The following KIAA0825 variants were observed in gnomAD, a reference collection of about 807,000 sequenced individuals.
The protein encoded by KIAA0825 is KIAA0825, also known as uncharacterized protein KIAA0825.
A neutral mutation model predicts 147.6 loss-of-function variants in KIAA0825; 119 were observed. The ratio of observed to expected loss-of-function variants is 0.81; its 90% CI spans 0.69 to 0.94. The LOEUF (loss-of-function observed/expected upper bound fraction) is 0.94, where lower values mean the gene tolerates loss of function less well. Ranked by LOEUF, KIAA0825 falls within the 40% of genes least tolerant of loss-of-function variation. KIAA0825 has a pLI of 0.00. For synonymous variants in KIAA0825, 470 were observed against 518.1 expected (o/e 0.91, Z 1.26); for missense variants, 1,381 against 1,472.7 (o/e 0.94, Z 1.02).
intron 2 of KIAA0825, among the ~76,000 whole-genome samples, chr5:94,579,633 A>G (rs1022857648): frequency 2.0e-5 from 3 of 152,336 alleles, no homozygotes; most frequent in Non-Finnish European, 4.4e-5. Flanking sequence ...GAATTTGCAT[A>G]AAGCTGGCTT....
chr5:94,403,856 A>G, intron 15 of KIAA0825, 63 bp from the exon 16 acceptor site: 2 of 1,352,134 alleles, frequency 1.5e-6, no homozygotes, highest in Middle Eastern at 1.9e-4. Flanking sequence ...GCCTTGCTCA[A>G]CTAGAATTCA....
chr5:94,400,052 C>T (rs975346147), intron 16 of KIAA0825, among the ~76,000 whole-genome samples: 1 of 152,040 alleles, frequency 6.6e-6, no homozygotes, highest in Non-Finnish European at 1.5e-5. Context: ...AAAGCCACTA[C>T]ACAAACACAT....
chr5:94,218,921 C>G (rs1486135305), intron 20 of KIAA0825, among the ~76,000 whole-genome samples: 1 of 152,128 alleles, frequency 6.6e-6, no homozygotes, highest in African/African-American at 2.4e-5. Context: ...CCTTATTCAG[C>G]TTTGGGGTCT....
intron 20 of KIAA0825, among the ~76,000 whole-genome samples, chr5:94,206,049 T>C (rs1479912204): frequency 6.6e-6 from 1 of 152,194 alleles, no homozygotes; most frequent in African/African-American, 2.4e-5. Flanking sequence ...TTTTTCTCTC[T>C]GCCGCATCTA....
intron 1 of KIAA0825, chr5:94,593,659 G>A: frequency 2.4e-6 from 1 of 423,632 alleles, no homozygotes; most frequent in Non-Finnish European, 4.5e-6. Flanking sequence ...GGAAGATATA[G>A]AAAGCAGAAA....
At chr5:94,245,432 G>C (rs1775555213) in intron 20 of KIAA0825, among the ~76,000 whole-genome samples, 1 of 152,168 alleles carries the variant, frequency 6.6e-6, no homozygotes, top group Non-Finnish European at 1.5e-5. Context: ...GAATTTCTGA[G>C]TAGAGAAATC....
intron 5 of KIAA0825, among the ~76,000 whole-genome samples, chr5:94,488,385 T>C (rs1763317007): frequency 6.6e-6 from 1 of 152,184 alleles, no homozygotes; most frequent in Non-Finnish European, 1.5e-5. Context: ...ATAATAACTA[T>C]TATTTGGCTA....
chr5:94,577,563 A>G (rs1211288914), intron 2 of KIAA0825, among the ~76,000 whole-genome samples: 4 of 152,252 alleles, frequency 2.6e-5, no homozygotes, highest in Non-Finnish European at 5.9e-5. Flanking sequence ...AAAGTTTCCC[A>G]GGGCATCCTT....
chr5:94,520,308 C>G lies in KIAA0825; in HGVS notation c.910G>C (p.Val304Leu). The G allele has an allele frequency of 6.2e-7, 1 of 1,613,472 alleles. No individual in the cohort carries two copies. The highest frequency in any genetic ancestry group is 8.5e-7 in the Non-Finnish European group (1 of 1,179,514). The change falls in exon 5 of 21, where the codon GTT (valine) becomes CTT (leucine). Residue 304 changes from valine to leucine, a missense_variant. Physicochemically the swap from Val to Leu is conservative, Grantham distance 32 (BLOSUM62 1). Coordinates refer to ENST00000682413, the MANE Select transcript of KIAA0825 (RefSeq NM_001145678.3). ...CTCTTGCTTGTTTTAACCACACGAA[C>G]AGCATTTTCTCTGAACTGCAGCTCA... ...FCELQFRENAVRVVKTSKSSS... is the reference protein window; with the variant it reads ...FCELQFRENALRVVKTSKSSS...
intron 2 of KIAA0825, among the ~76,000 whole-genome samples, chr5:94,571,038 TG>T (rs2152326858): frequency 6.6e-6 from 1 of 152,360 alleles, no homozygotes; most frequent in East Asian, 1.9e-4. Flanking sequence ...ATCTTCCACT[TG>T]GATTGGTAGA....
rs1176429699 is a variant in KIAA0825 at position 94,565,095 on chromosome 5, C to CTTTTTTTTTTTTTTTTTTTTTTTT, written c.-2+17337_-2+17338insAAAAAAAAAAAAAAAAAAAAAAAA. 1.0e-3 allele frequency among the ~76,000 whole-genome samples: 55 copies of CTTTTTTTTTTTTTTTTTTTTTTTT among 52,926 alleles called. 7 individuals carry two copies. The highest frequency in any genetic ancestry group is 1.3e-3 in the Non-Finnish European group (35 of 27,326). 34.7% of individuals were successfully genotyped at this position (52,926 alleles called of 152,430 possible). The stretch of plus-strand genomic sequence containing the variant: ...CTCTTTCTCTCTCTTTCTTGCTTTC[C>CTTTTTTTTTTTTTTTTTTTTTTTT]TTTTTTTTTTTTTTTTTTGGTAGAG... On this transcript the variant is annotated intron_variant, in intron 2 of 20. Transcript: ENST00000682413.
chr5:94,295,973 T>C (rs577904325), intron 20 of KIAA0825, among the ~76,000 whole-genome samples: 5 of 152,322 alleles, frequency 3.3e-5, no homozygotes, highest in Admixed American at 2.0e-4. Context: ...TACACTGCTC[T>C]CTTTAGGGCT....
intron 13 of KIAA0825, 129 bp downstream of exon 13, chr5:94,452,830 G>T: frequency 2.0e-6 from 1 of 507,892 alleles, no homozygotes; most frequent in Non-Finnish European, 3.4e-6. Context: ...TTACTTACCT[G>T]CCAATTGTGA....
intron 20 of KIAA0825, among the ~76,000 whole-genome samples, chr5:94,189,452 T>G (rs558450609): frequency 2.6e-5 from 4 of 152,304 alleles, no homozygotes; most frequent in African/African-American, 7.2e-5. Context: ...TGTGAAAAGC[T>G]GTGAAATAAG....
intron 20 of KIAA0825, among the ~76,000 whole-genome samples, chr5:94,315,355 T>C (rs1375892911): frequency 1.3e-5 from 2 of 151,666 alleles, no homozygotes; most frequent in Non-Finnish European, 3.0e-5. Context: ...GTAAACTTAT[T>C]ATTTTTTTTA....
intron 16 of KIAA0825, among the ~76,000 whole-genome samples, chr5:94,397,036 A>G (rs1750751032): frequency 6.6e-6 from 1 of 151,798 alleles, no homozygotes; most frequent in African/African-American, 2.4e-5. Flanking sequence ...CCCTTCCATC[A>G]CAGCCCCAAG....
Position 94,154,113 on chromosome 5 carries a change from T to C in KIAA0825, c.3722A>G (p.Lys1241Arg), listed in dbSNP as rs199863477. 24 of 1,549,820 alleles carry C rather than the reference T, an allele frequency of 1.5e-5. No homozygotes were observed. Among genetic ancestry groups the C allele is most frequent in the Non-Finnish European group, 2.1e-5 (24 of 1,145,256 alleles). Residue 1241 changes from lysine to arginine, a missense_variant, in exon 21 of 21, where the codon AAG becomes AGG. Coordinates refer to ENST00000682413, the MANE Select transcript of KIAA0825 (RefSeq NM_001145678.3). Reference sequence around the variant, plus strand: ...TTCCTCTTCTAGTGTTTCATCCTTCTTCATTTCCCACCTAAAAGAAAAATC... The same window carrying C: ...TTCCTCTTCTAGTGTTTCATCCTTCCTCATTTCCCACCTAAAAGAAAAATC... Reference protein sequence around the residue: ...SVLLKNRWEMKKDETLEEEEK... With the variant: ...SVLLKNRWEMRKDETLEEEEK...
At chr5:94,525,137 C>A (rs1168275999) in intron 3 of KIAA0825, among the ~76,000 whole-genome samples, 1 of 151,768 alleles carries the variant, frequency 6.6e-6, no homozygotes, top group African/African-American at 2.4e-5. Context: ...GACAGCTATG[C>A]ATTTGTCTCT....
chr5:94,233,163 A>T (rs781309115), intron 20 of KIAA0825, among the ~76,000 whole-genome samples: 3 of 152,246 alleles, frequency 2.0e-5, no homozygotes, highest in South Asian at 2.1e-4. Context: ...TAGAGAATCT[A>T]CAAATTAGCA....
Sources: gnomAD v4.1 joint callset for allele counts (sites outside exome capture counted in the v4.1 genomes callset) on GRCh38, gnomAD v4.1.1 for gene constraint, MANE v1.5 for transcripts, NCBI Gene and HGNC (gene_info 2026-07-23, HGNC 2026-07-21) for gene names.